The following PDLIM5 variants were observed in gnomAD, a reference collection of about 807,000 sequenced individuals.
PDLIM5 encodes the protein PDZ and LIM domain protein 5.
A neutral mutation model predicts 64.2 loss-of-function variants in PDLIM5; 34 were observed. That is an observed-to-expected ratio of 0.53 (90% CI 0.40 to 0.71). The LOEUF (loss-of-function observed/expected upper bound fraction) is 0.71. PDLIM5 is among the 30% of genes least tolerant of loss of function. The probability of loss-of-function intolerance (pLI) is 0.00; values close to 1 mark genes in which losing one functional copy is unlikely to be tolerated. For synonymous variants in PDLIM5, 253 were observed against 269.1 expected (o/e 0.94, Z 0.59); for missense variants, 683 against 733.6 (o/e 0.93, Z 0.80).
chr4:94,634,789 G>T (rs558759426), intron 8 of PDLIM5, among the ~76,000 whole-genome samples: 1 of 152,088 alleles, frequency 6.6e-6, no homozygotes, highest in African/African-American at 2.4e-5. Flanking sequence ...TTCTTAATCC[G>T]GTGAGAAAAC....
chr4:94,556,715 G>A (rs547584775), intron 3 of PDLIM5, among the ~76,000 whole-genome samples: 59 of 152,306 alleles, frequency 3.9e-4, no homozygotes, highest in African/African-American at 1.3e-3. Flanking sequence ...TTTGGAACAT[G>A]TCTGCTCATA....
intron 3 of PDLIM5, among the ~76,000 whole-genome samples, chr4:94,525,415 CG>C: frequency 6.6e-6 from 1 of 150,692 alleles, no homozygotes; most frequent in Non-Finnish European, 1.5e-5. Flanking sequence ...GACACTCTGT[CG>C]CCCCACCCCC....
At chr4:94,559,308 C>G (rs1233428769) in intron 3 of PDLIM5, among the ~76,000 whole-genome samples, 2 of 152,112 alleles carry the variant, frequency 1.3e-5, no homozygotes, top group Non-Finnish European at 2.9e-5. Context: ...GACCTTCTAT[C>G]TAGTGCTATT....
chr4:94,512,031 T>C (rs1465990963), intron 2 of PDLIM5, among the ~76,000 whole-genome samples: 2 of 152,074 alleles, frequency 1.3e-5, no homozygotes, highest in Non-Finnish European at 2.9e-5. Flanking sequence ...CTCTATTTTT[T>C]TTTTTTTAAG....
intron 3 of PDLIM5, among the ~76,000 whole-genome samples, chr4:94,548,326 T>C (rs991245548): frequency 1.3e-5 from 2 of 152,164 alleles, no homozygotes; most frequent in African/African-American, 4.8e-5. Flanking sequence ...AGCCTTTACT[T>C]TTGAAATCCA....
intron 3 of PDLIM5, among the ~76,000 whole-genome samples, chr4:94,570,521 G>T (rs775154722): frequency 6.6e-6 from 1 of 152,176 alleles, no homozygotes; most frequent in Non-Finnish European, 1.5e-5. Flanking sequence ...ATAGGAAATA[G>T]AATCTTTACA....
chr4:94,490,243 C>T (rs879350970), intron 2 of PDLIM5, among the ~76,000 whole-genome samples: 19 of 151,722 alleles, frequency 1.3e-4, no homozygotes, highest in Non-Finnish European at 2.4e-4. Flanking sequence ...ATATTATAAA[C>T]TCTTTATGAA....
chr4:94,560,992 G>T (rs1733791568), intron 3 of PDLIM5, among the ~76,000 whole-genome samples: 1 of 152,118 alleles, frequency 6.6e-6, no homozygotes, highest in African/African-American at 2.4e-5. Flanking sequence ...CTCCCAAAGT[G>T]CTGGGATTAC....
rs755809359 is a variant in PDLIM5 at position 94,523,938 on chromosome 4, T to C, written c.248+63T>C. ...ACATTGAGGAATGTGTTTTTGTGTGTCTGACTCACGGTGTTAACTAAGACT... is the reference window on the plus strand; with the variant it reads ...ACATTGAGGAATGTGTTTTTGTGTGCCTGACTCACGGTGTTAACTAAGACT... On this transcript the variant is annotated intron_variant, in intron 3 of 12. Coordinates refer to ENST00000317968, the MANE Select transcript of PDLIM5 (RefSeq NM_006457.5). The C allele has an allele frequency of 1.2e-4, 150 of 1,258,384 alleles. No homozygotes were observed. In the Middle Eastern group the frequency reaches 1.5e-3, roughly 13 times the overall value. The allele number at this position is 1,258,384 out of a possible 1,614,324, so 78.0% of individuals were successfully genotyped here. A position where few individuals can be genotyped will look rare whatever the true frequency, so the allele number is the denominator to read the frequency against.
intron 2 of PDLIM5, among the ~76,000 whole-genome samples, chr4:94,520,568 A>G (rs1729747462): frequency 6.6e-6 from 1 of 152,240 alleles, no homozygotes; most frequent in African/African-American, 2.4e-5. Context: ...AGTAACGTTT[A>G]TCTTTCTAAT....
chr4:94,571,438 A>G (rs1432463447), intron 3 of PDLIM5, among the ~76,000 whole-genome samples: 2 of 152,148 alleles, frequency 1.3e-5, no homozygotes, highest in African/African-American at 4.8e-5. Context: ...GTCGTGGCTT[A>G]CTCCTGAACA....
chr4:94,573,315 T>C (rs1560712332), intron 3 of PDLIM5, 36 bp from the exon 4 acceptor site: 1 of 1,555,096 alleles, frequency 6.4e-7, no homozygotes. Context: ...AAAAATTCAT[T>C]ATTTTTTTTT....
chr4:94,531,685 C>G (rs749902237), intron 3 of PDLIM5, among the ~76,000 whole-genome samples: 2 of 152,194 alleles, frequency 1.3e-5, no homozygotes, highest in Non-Finnish European at 2.9e-5. Flanking sequence ...CAGATCAGTT[C>G]ATAGCTTATG....
chr4:94,654,671 G>A lies in PDLIM5; in HGVS notation c.1464+31G>A, dbSNP rs765899168. The A allele has an allele frequency of 1.1e-5, 16 of 1,395,086 alleles. No homozygotes were observed. The South Asian group carries it at 2.0e-4, about 17-fold the overall frequency. The allele number at this position is 1,395,086 out of a possible 1,614,324, so 86.4% of individuals were successfully genotyped here. A position where few individuals can be genotyped will look rare whatever the true frequency, so the allele number is the denominator to read the frequency against. ...TATTGGAAACGTTTTTATTCTGAAT[G>A]AGTTTTAAAGTAGAATAATTTTTTG... On this transcript the variant is annotated intron_variant, in intron 10 of 12. Coordinates refer to ENST00000317968, the MANE Select transcript of PDLIM5 (RefSeq NM_006457.5).
chr4:94,589,414 G>A (rs1736498236), intron 7 of PDLIM5, among the ~76,000 whole-genome samples: 1 of 152,164 alleles, frequency 6.6e-6, no homozygotes, highest in Non-Finnish European at 1.5e-5. Flanking sequence ...TAGATAAATG[G>A]AATGATCCAT....
chr4:94,659,694 A>C (rs1031123107), intron 11 of PDLIM5, among the ~76,000 whole-genome samples: 7 of 150,910 alleles, frequency 4.6e-5, no homozygotes, highest in African/African-American at 1.7e-4. Context: ...CGCCTGGCTA[A>C]TTTTTTTGTA....
chr4:94,586,437 A>G lies in PDLIM5; in HGVS notation c.913A>G (p.Lys305Glu). The stretch of plus-strand genomic sequence containing the variant: ...AGAATCTGAAGCCGATAATACAAAG[A>G]AGGCAAAGTAAGTTCTCTATCTTTT... ...LKESEADNTK[K>E]ANNSQEPSPQ... Residue 305 changes from lysine to glutamate, a missense_variant, in exon 7 of 13, where the codon AAG becomes GAG. Coordinates refer to ENST00000317968, the MANE Select transcript of PDLIM5 (RefSeq NM_006457.5). The G allele has an allele frequency of 1.3e-6, 2 of 1,506,370 alleles. No individual in the cohort carries two copies. Among genetic ancestry groups the G allele is most frequent in the Admixed American group, 1.7e-5 (1 of 58,278 alleles). 93.3% of individuals were successfully genotyped at this position (1,506,370 alleles called of 1,614,324 possible).
intron 7 of PDLIM5, chr4:94,587,331 T>C: frequency 7.9e-7 from 1 of 1,261,692 alleles, no homozygotes; most frequent in South Asian, 2.2e-5. Context: ...TATTTGTGGA[T>C]TTGTATCTGT....
intron 2 of PDLIM5, among the ~76,000 whole-genome samples, chr4:94,491,067 G>A (rs972573476): frequency 2.6e-5 from 4 of 152,096 alleles, no homozygotes; most frequent in Non-Finnish European, 5.9e-5. Context: ...TGCTAGTGTG[G>A]ACCTTGTTTG....
Sources: allele counts gnomAD v4.1 joint callset (sites outside exome capture counted in the v4.1 genomes callset), GRCh38; gene constraint gnomAD v4.1.1; transcripts MANE v1.5; gene names NCBI Gene and HGNC (gene_info 2026-07-23, HGNC 2026-07-21).